Variants in SPEF2 observed in about 807,000 individuals in gnomAD.
SPEF2 encodes the protein sperm flagella and cilia-associated protein 2.
A neutral mutation model predicts 224.6 loss-of-function variants in SPEF2; 187 were observed. That is an observed-to-expected ratio of 0.83 (90% confidence interval 0.74 to 0.94). SPEF2 has a LOEUF of 0.94. Ranked by LOEUF, SPEF2 falls within the 40% of genes least tolerant of loss-of-function variation. The pLI is 0.00. For missense variants in SPEF2, 2,170 were observed against 2,135.6 expected (o/e 1.02, Z -0.32); for synonymous variants, 715 against 707.3 (o/e 1.01, Z -0.17).
At position 35,700,770 on chromosome 5, in the gene SPEF2, T is replaced by C; in HGVS notation, c.2398+18T>C. 6.2e-7 allele frequency: 1 copy of C among 1,610,516 alleles called. No homozygotes were observed. The highest frequency in any genetic ancestry group is 1.7e-4 in the Middle Eastern group (1 of 5,968). On this transcript the variant is annotated intron_variant, in intron 16 of 36. Coordinates refer to ENST00000356031, the MANE Select transcript of SPEF2 (RefSeq NM_024867.4). The stretch of plus-strand genomic sequence containing the variant: ...TATTATAGGTAAGCTGGACACCTTT[T>C]TTGACACTCTTTTTACAATGAAAAC...
intron 15 of SPEF2, chr5:35,700,237 T>C (rs544455953): frequency 1.3e-4 from 64 of 478,034 alleles, no homozygotes; most frequent in Middle Eastern, 5.5e-4. Flanking sequence ...AAGGGACTAA[T>C]ACAGGTGTGG....
chr5:35,704,738 G>A, intron 17 of SPEF2, 76 bp downstream of exon 17: 1 of 846,924 alleles, frequency 1.2e-6, no homozygotes, highest in Non-Finnish European at 2.0e-6. Flanking sequence ...GGAATCATCA[G>A]ATCTAGAAGA....
chr5:35,664,414 A>G (rs1409702876), intron 8 of SPEF2, among the ~76,000 whole-genome samples: 4 of 151,912 alleles, frequency 2.6e-5, no homozygotes, highest in Non-Finnish European at 5.9e-5. Context: ...GGAAAGGCTG[A>G]CCATGGTGGC....
At chr5:35,634,450 C>T (rs78638651) in intron 2 of SPEF2, among the ~76,000 whole-genome samples, 3,345 of 152,216 alleles carry the variant, frequency 0.022, 43 homozygotes, top group Middle Eastern at 0.048. Flanking sequence ...TGTCTTTCAA[C>T]AACTTGACTA....
chr5:35,813,295 G>A lies in SPEF2; in HGVS notation c.5380-1169G>A, dbSNP rs563041642. Among the ~76,000 whole-genome samples the A allele has an allele frequency of 8.6e-5, 13 of 152,014 alleles. No individual in the cohort carries two copies. In the South Asian group the frequency reaches 2.7e-3, roughly 32 times the overall value. ...ATTGCTTGAGGCCAGGTGTTTGAGAGAAACCTGGTCAACAGAGCAAGACTC... is the reference window on the plus strand; with the variant it reads ...ATTGCTTGAGGCCAGGTGTTTGAGAAAAACCTGGTCAACAGAGCAAGACTC... On this transcript the variant is annotated intron_variant, in intron 36 of 36. Coordinates refer to ENST00000356031, the MANE Select transcript of SPEF2 (RefSeq NM_024867.4).
chr5:35,744,800 G>C (rs1748217237), intron 23 of SPEF2, among the ~76,000 whole-genome samples: 1 of 152,166 alleles, frequency 6.6e-6, no homozygotes, highest in Non-Finnish European at 1.5e-5. Flanking sequence ...TGGCAGACAG[G>C]AGGCAGGACT....
At chr5:35,727,608 A>T (rs1359937724) in intron 20 of SPEF2, 67 bp from the exon 21 acceptor site, 12 of 1,349,878 alleles carry the variant, frequency 8.9e-6, no homozygotes, top group Non-Finnish European at 2.1e-6. Flanking sequence ...TTATAGATGT[A>T]TTCATCTACC....
chr5:35,716,821 A>C (rs2149618273), intron 20 of SPEF2, among the ~76,000 whole-genome samples: 1 of 152,220 alleles, frequency 6.6e-6, no homozygotes, highest in Non-Finnish European at 1.5e-5. Context: ...ATTATATTTA[A>C]AGAGCCTCTT....
Position 35,654,558 on chromosome 5 carries a change from A to G in SPEF2, c.810A>G (p.Leu270=), listed in dbSNP as rs201223338. 14 of 1,590,674 alleles carry G rather than the reference A, an allele frequency of 8.8e-6. No homozygotes were observed. Among genetic ancestry groups the G allele is most frequent in the Admixed American group, 3.8e-5 (2 of 53,154 alleles). Residue 270 remains leucine, a synonymous_variant, in exon 7 of 37, where the codon TTA becomes TTG. Coordinates refer to ENST00000356031, the MANE Select transcript of SPEF2 (RefSeq NM_024867.4). ...TTCTTAGTGCATCCAAGACTTCTTT[A>G]GATACAGCAGGCCAGACAACCACCG... is the stretch of plus-strand genomic sequence containing the variant. ...QAKESASKTS[L]DTAGQTTTDL... is the part of the protein sequence containing the mutation.
At position 35,808,903 on chromosome 5, in the gene SPEF2, A is replaced by G. The variant is rs946295070; in HGVS notation, c.5379+1650A>G. On this transcript the variant is annotated intron_variant, in intron 36 of 36. Transcript: ENST00000356031. ...TTACATATATATATATATATATAAA[A>G]CAAGCTAGCAGCTGTTTAGACACGA... 1.1e-4 allele frequency among the ~76,000 whole-genome samples: 16 copies of G among 142,378 alleles called. No homozygotes were observed. The East Asian group carries it at 1.4e-3, about 13-fold the overall frequency. 93.4% of individuals were successfully genotyped at this position (142,378 alleles called of 152,430 possible).
intron 10 of SPEF2, among the ~76,000 whole-genome samples, chr5:35,681,464 T>C (rs1452127494): frequency 6.6e-6 from 1 of 152,140 alleles, no homozygotes. Flanking sequence ...ATCTAAAAAA[T>C]AAACCCAAGA....
intron 26 of SPEF2, among the ~76,000 whole-genome samples, chr5:35,768,191 T>C (rs1033802853): frequency 7.9e-5 from 12 of 152,150 alleles, no homozygotes; most frequent in Admixed American, 2.6e-4. Context: ...CTTGAGGTGC[T>C]GCTGCTATGC....
chr5:35,649,336 A>T, intron 5 of SPEF2, 25 bp from the exon 6 acceptor site: 3 of 1,592,330 alleles, frequency 1.9e-6, no homozygotes, highest in African/African-American at 1.3e-5. Context: ...AGAGGCAGAG[A>T]ACTGATGATG....
chr5:35,689,626 A>G (rs188384275), intron 10 of SPEF2, among the ~76,000 whole-genome samples: 3 of 152,238 alleles, frequency 2.0e-5, no homozygotes, highest in African/African-American at 7.2e-5. Flanking sequence ...CTTCTGCATT[A>G]GTTTGCTTAA....
At chr5:35,658,931 C>T in intron 7 of SPEF2, 88 bp from the exon 8 acceptor site, 6 of 952,836 alleles carry the variant, frequency 6.3e-6, no homozygotes, top group Non-Finnish European at 8.7e-6. Flanking sequence ...GAACATTATG[C>T]CTTTTGTATA....
intron 10 of SPEF2, among the ~76,000 whole-genome samples, chr5:35,677,430 G>A (rs1180985356): frequency 6.6e-6 from 1 of 152,220 alleles, no homozygotes; most frequent in African/African-American, 2.4e-5. Context: ...AGAACAGGGA[G>A]AAATCTGATA....
intron 13 of SPEF2, among the ~76,000 whole-genome samples, chr5:35,695,265 GTTT>G (rs35696968): frequency 0.059 from 8,489 of 143,528 alleles, 271 homozygotes; most frequent in African/African-American, 0.075. Context: ...AAAACTTCTG[GTTT>G]TTTTTTTTTT....
intron 2 of SPEF2, among the ~76,000 whole-genome samples, chr5:35,634,578 A>G (rs1745566954): frequency 6.6e-6 from 1 of 152,070 alleles, no homozygotes; most frequent in Admixed American, 6.5e-5. Flanking sequence ...TGTTTCTCCA[A>G]AGATTCTTTT....
At chr5:35,749,661 T>C (rs1364528784) in intron 23 of SPEF2, among the ~76,000 whole-genome samples, 1 of 151,818 alleles carries the variant, frequency 6.6e-6, no homozygotes, top group Non-Finnish European at 1.5e-5. Context: ...TCAAAAGACC[T>C]CTACAAGGAA....
Sources: allele counts gnomAD v4.1 joint callset (sites outside exome capture counted in the v4.1 genomes callset), GRCh38; gene constraint gnomAD v4.1.1; transcripts MANE v1.5; gene names NCBI Gene and HGNC (gene_info 2026-07-23, HGNC 2026-07-21).